The following STK33 variants were observed in gnomAD, a reference collection of about 807,000 sequenced individuals.
The protein encoded by STK33 is serine/threonine kinase 33, also known as serine/threonine-protein kinase 33.
A neutral mutation model predicts 58.0 loss-of-function variants in STK33; 52 were observed. The ratio of observed to expected loss-of-function variants is 0.90; its 90% CI spans 0.72 to 1.13. The LOEUF (loss-of-function observed/expected upper bound fraction) is 1.13. Ranked by LOEUF, STK33 falls within the 50% of genes most tolerant of loss-of-function variation. The pLI, the probability that STK33 is intolerant of heterozygous loss-of-function variation, is 0.00. For synonymous variants in STK33, 215 were observed against 200.1 expected, an observed-to-expected ratio of 1.07 and a Z score of -0.63; for missense variants, 630 against 604.2, an observed-to-expected ratio of 1.04 and a Z score of -0.45.
chr11:8,360,551 G>C, the STK33 span, among the ~76,000 whole-genome samples: 1 of 152,270 alleles, frequency 6.6e-6, no homozygotes, highest in Non-Finnish European at 1.5e-5. Flanking sequence ...TAGGTCAGAA[G>C]TCCAGCACAG....
chr11:8,571,848 T>A (rs1442711691), intron 1 of STK33, among the ~76,000 whole-genome samples: 1 of 147,544 alleles, frequency 6.8e-6, no homozygotes, highest in Non-Finnish European at 1.5e-5. Flanking sequence ...AAAAAAAAGG[T>A]TAAAATGTCA....
the STK33 span, among the ~76,000 whole-genome samples, chr11:8,376,001 C>G: frequency 6.6e-6 from 1 of 152,148 alleles, no homozygotes; most frequent in Non-Finnish European, 1.5e-5. Flanking sequence ...AGGCTAATCT[C>G]CAGGCACTCA....
intron 10 of STK33, among the ~76,000 whole-genome samples, chr11:8,453,337 T>C (rs17328992): frequency 0.12 from 17,511 of 152,250 alleles, 1,300 homozygotes; most frequent in Middle Eastern, 0.2. Context: ...AGCACTGTTA[T>C]AAATGCAAAT....
At chr11:8,344,007 A>C in the STK33 span, among the ~76,000 whole-genome samples, 1 of 152,138 alleles carries the variant, frequency 6.6e-6, no homozygotes, top group Non-Finnish European at 1.5e-5. Flanking sequence ...TTCTTCCAGC[A>C]GTCCGCTCTG....
intron 1 of STK33, among the ~76,000 whole-genome samples, chr11:8,503,476 G>C (rs1204702920): frequency 1.3e-5 from 2 of 152,196 alleles, no homozygotes; most frequent in Admixed American, 6.5e-5. Context: ...GAGAATGGAG[G>C]GTGAGAGGAG....
At chr11:8,362,579 C>G in the STK33 span, among the ~76,000 whole-genome samples, 1 of 152,108 alleles carries the variant, frequency 6.6e-6, no homozygotes, top group African/African-American at 2.4e-5. Context: ...TGGGGTTCAC[C>G]CAACAAAAAA....
rs199562993 is a variant in STK33 at position 8,435,535 on chromosome 11, T to C, written c.1105A>G (p.Arg369Gly). The C allele has an allele frequency of 1.0e-4, 153 of 1,526,422 alleles. No individual in the cohort carries two copies. Among genetic ancestry groups the C allele is most frequent in the Non-Finnish European group, 1.3e-4 (148 of 1,129,038 alleles). 94.6% of individuals were successfully genotyped at this position (1,526,422 alleles called of 1,614,324 possible). ...KQLMKVDPAH[R>G]ITAKELLDNQ... ...TCTAGTAGTTCCTTAGCTGTGATTC[T>C]GTGAGCAGGATCTACTTTCATAAGT... is the stretch of plus-strand genomic sequence containing the variant. The change falls in exon 14 of 16, where the codon AGA becomes GGA. Residue 369 changes from arginine (R) to glycine (G), a missense_variant. Arg to Gly is a moderately radical substitution (Grantham distance 125). Coordinates refer to ENST00000687296, the MANE Select transcript of STK33 (RefSeq NM_001352389.2).
chr11:8,508,288 A>C (rs1344844278), intron 1 of STK33, among the ~76,000 whole-genome samples: 1 of 35,034 alleles, frequency 2.9e-5, no homozygotes, highest in African/African-American at 1.6e-4. Flanking sequence ...TTTTTTTTTG[A>C]GACAGGGTCT....
intron 11 of STK33, among the ~76,000 whole-genome samples, chr11:8,451,851 A>C (rs112624521): frequency 8.7e-4 from 133 of 152,260 alleles, no homozygotes; most frequent in African/African-American, 3.1e-3. Context: ...CTTTCTTTAC[A>C]AAATATATCT....
intron 15 of STK33, among the ~76,000 whole-genome samples, chr11:8,403,733 A>C (rs193084734): frequency 1.5e-4 from 23 of 152,292 alleles, no homozygotes; most frequent in African/African-American, 5.5e-4. Context: ...TATATTATTA[A>C]TCTTGAAAAG....
At chr11:8,378,426 G>A in the STK33 span, among the ~76,000 whole-genome samples, 27 of 152,222 alleles carry the variant, frequency 1.8e-4, no homozygotes, top group African/African-American at 5.5e-4. Context: ...GCTGAGGCAG[G>A]AGAATCGCTT....
chr11:8,550,319 T>C (rs1956220371), intron 1 of STK33, among the ~76,000 whole-genome samples: 2 of 152,138 alleles, frequency 1.3e-5, no homozygotes, highest in Admixed American at 1.3e-4. Flanking sequence ...TCTGCTCTGA[T>C]CTTTATTATT....
At chr11:8,561,174 T>C (rs1284607630) in intron 1 of STK33, among the ~76,000 whole-genome samples, 1 of 152,098 alleles carries the variant, frequency 6.6e-6, no homozygotes, top group East Asian at 1.9e-4. Context: ...CATTCCCAAG[T>C]TCTTTTTATT....
chr11:8,420,844 T>G (rs1201682210), intron 14 of STK33, among the ~76,000 whole-genome samples: 1 of 151,884 alleles, frequency 6.6e-6, no homozygotes, highest in East Asian at 1.9e-4. Context: ...AAAAATAATT[T>G]TTTTAATTAG....
At chr11:8,393,305 G>C (rs1474407173) in intron 15 of STK33, among the ~76,000 whole-genome samples, 1 of 152,218 alleles carries the variant, frequency 6.6e-6, no homozygotes, top group Non-Finnish European at 1.5e-5. Context: ...AGAATGAAGA[G>C]AAAGGGTGGC....
chr11:8,547,929 G>GCCCTCCC (rs948284492), intron 1 of STK33, among the ~76,000 whole-genome samples: 3 of 150,854 alleles, frequency 2.0e-5, no homozygotes, highest in Non-Finnish European at 4.4e-5. Context: ...ACCAAACACC[G>GCCCTCCC]CATGTTCTCA....
intron 11 of STK33, among the ~76,000 whole-genome samples, chr11:8,452,057 G>T (rs1055289446): frequency 6.6e-6 from 1 of 152,092 alleles, no homozygotes. Flanking sequence ...ACAAAAATTA[G>T]CCAGGTGTGG....
intron 1 of STK33, among the ~76,000 whole-genome samples, chr11:8,528,928 T>G (rs1320204079): frequency 6.6e-6 from 1 of 152,250 alleles, no homozygotes; most frequent in Non-Finnish European, 1.5e-5. Flanking sequence ...CAATATCATT[T>G]AATCTTTACA....
At chr11:8,425,586 T>G (rs1942616321) in intron 14 of STK33, among the ~76,000 whole-genome samples, 1 of 152,224 alleles carries the variant, frequency 6.6e-6, no homozygotes, top group Non-Finnish European at 1.5e-5. Flanking sequence ...AGGTTTTCTT[T>G]GTTAGTGTTT....
Sources: allele counts gnomAD v4.1 joint callset (sites outside exome capture counted in the v4.1 genomes callset), GRCh38; gene constraint gnomAD v4.1.1; transcripts MANE v1.5; gene names NCBI Gene and HGNC (gene_info 2026-07-23, HGNC 2026-07-21).